RC3H2: variants seen among roughly 807,000 people sequenced by gnomAD.
The protein encoded by RC3H2 is ring finger and CCCH-type domains 2.
A neutral mutation model predicts 133.3 loss-of-function variants in RC3H2; 31 were observed. The observed-to-expected ratio is 0.23, with a 90% CI of 0.17 to 0.31. The LOEUF (loss-of-function observed/expected upper bound fraction) is 0.31. RC3H2 is among the 10% of genes least tolerant of loss of function. RC3H2 has a pLI of 1.00. For synonymous variants in RC3H2, 517 were observed against 502.2 expected, an observed-to-expected ratio of 1.03 and a Z score of -0.40; for missense variants, 1,175 against 1,437.2, an observed-to-expected ratio of 0.82 and a Z score of 2.95.
At chr9:122,859,215 C>T (rs1830364398) in intron 11 of RC3H2, 113 bp from the exon 12 acceptor site, 4 of 778,140 alleles carry the variant, frequency 5.1e-6, no homozygotes, top group Non-Finnish European at 7.6e-6. Flanking sequence ...AGCTTTGAAC[C>T]TTACCTTACC....
At chr9:122,858,123 T>C (rs1167226228) in intron 12 of RC3H2, 30 bp from the exon 13 acceptor site, 3 of 1,599,736 alleles carry the variant, frequency 1.9e-6, no homozygotes, top group African/African-American at 2.7e-5. Flanking sequence ...ACAATCTTAA[T>C]CATCTAGGGA....
intron 8 of RC3H2, among the ~76,000 whole-genome samples, chr9:122,878,859 C>G (rs1467634743): frequency 6.6e-6 from 1 of 151,486 alleles, no homozygotes; most frequent in Admixed American, 6.6e-5. Context: ...AGCGATTCTC[C>G]TGACTCAGCC....
chr9:122,852,145 C>T (rs1294688817), intron 18 of RC3H2, among the ~76,000 whole-genome samples: 5 of 147,094 alleles, frequency 3.4e-5, no homozygotes, highest in African/African-American at 5.1e-5. Context: ...GCCTCTGCCC[C>T]GCCGCCCTGT....
rs1328813126 is a variant in RC3H2 at position 122,890,386 on chromosome 9, T to C, written c.509A>G (p.His170Arg). 6.2e-7 allele frequency: 1 copy of C among 1,614,110 alleles called. No homozygotes were observed. Among genetic ancestry groups the C allele is most frequent in the East Asian group, 2.2e-5 (1 of 44,866 alleles). The change falls in exon 4 of 21, where the codon CAC (histidine) becomes CGC (arginine). Residue 170 changes from histidine to arginine, a missense_variant. His to Arg is a conservative substitution (Grantham distance 29). Coordinates refer to ENST00000357244, the MANE Select transcript of RC3H2 (RefSeq NM_001100588.3). The part of the protein sequence containing the change: ...ERTVTELILQ[H>R]QNPQQLSANL... Reference sequence around the variant, plus strand: ...GGCAGACAACTGCTGAGGGTTCTGGTGCTGTAATATCAGTTCTGTTACAGT... The same window carrying C: ...GGCAGACAACTGCTGAGGGTTCTGGCGCTGTAATATCAGTTCTGTTACAGT...
Position 122,859,947 on chromosome 9 carries a change from G to A in RC3H2, c.1819C>T (p.Pro607Ser), listed in dbSNP as rs866363828. The A allele has an allele frequency of 1.9e-6, 3 of 1,613,808 alleles. No homozygotes were observed. Among genetic ancestry groups the A allele is most frequent in the Non-Finnish European group, 2.5e-6 (3 of 1,179,698 alleles). Residue 607 changes from proline to serine, a missense_variant, in exon 11 of 21, where the codon CCC becomes TCC. Physicochemically the swap from Pro to Ser is moderately conservative, Grantham distance 74. Coordinates refer to ENST00000357244, the MANE Select transcript of RC3H2 (RefSeq NM_001100588.3). ...QYFQDPRTQI[P>S]FEVPQYPQTG... ...TGTGGGTACTGTGGGACTTCAAAGG[G>A]TATCTGAGTCCTTGGATCTTGAAAA... is the stretch of plus-strand genomic sequence containing the variant.
chr9:122,886,634 G>A (rs1281460482), intron 4 of RC3H2, among the ~76,000 whole-genome samples: 1 of 152,172 alleles, frequency 6.6e-6, no homozygotes, highest in Non-Finnish European at 1.5e-5. Flanking sequence ...AAGTTACAGT[G>A]GGCTATAAGC....
chr9:122,890,066 T>C lies in RC3H2; in HGVS notation c.583+246A>G, dbSNP rs968293837. 8.4e-6 allele frequency: 5 copies of C among 593,494 alleles called. No homozygotes were observed. The African/African-American group carries it at 9.3e-5, about 11-fold the overall frequency. 36.8% of individuals were successfully genotyped at this position (593,494 alleles called of 1,614,324 possible). ...CTGAGTCAGGAGAATTGCTTGAGCA[T>C]GGATGTCGAGGCTGCAGTGAGCCAA... is the stretch of plus-strand genomic sequence containing the variant. On this transcript the variant is annotated intron_variant, in intron 4 of 20. Coordinates refer to ENST00000357244, the MANE Select transcript of RC3H2 (RefSeq NM_001100588.3).
rs1283396227 is a variant in RC3H2 at position 122,845,355 on chromosome 9, T to C, written c.*4272A>G. 5 of 152,184 alleles carry C rather than the reference T, an allele frequency of 3.3e-5. No individual in the cohort carries two copies. Among genetic ancestry groups the C allele is most frequent in the African/African-American group, 1.2e-4 (5 of 41,450 alleles). The allele number at this position is 152,184 out of a possible 1,614,324, so 9.4% of individuals were successfully genotyped here. On this transcript the variant is annotated 3_prime_UTR_variant, in exon 21 of 21. Coordinates refer to ENST00000357244, the MANE Select transcript of RC3H2 (RefSeq NM_001100588.3). ...ACAAATAAAAGCCACATGTGTTGTATCACAACTACAGTATAATTGTTTGCC... is the reference window on the plus strand; with the variant it reads ...ACAAATAAAAGCCACATGTGTTGTACCACAACTACAGTATAATTGTTTGCC...
chr9:122,852,514 C>A (rs1211002739), intron 18 of RC3H2, among the ~76,000 whole-genome samples: 27 of 148,482 alleles, frequency 1.8e-4, no homozygotes, highest in Non-Finnish European at 1.6e-4. Context: ...TAGCCAGCCG[C>A]CCCGTCCGGG....
Position 122,858,010 on chromosome 9 carries a change from T to C in RC3H2, c.2367A>G (p.Lys789=), listed in dbSNP as rs1466866919. 3.7e-6 allele frequency: 6 copies of C among 1,614,092 alleles called. No individual in the cohort carries two copies. The highest frequency in any genetic ancestry group is 3.3e-5 in the South Asian group (3 of 91,092). ...GAAGAGTTGAAGAGACAAGAGGTGC[T>C]TTCTGAGTGTGGTACTGTGCCCACT... ...PDQWAQYHTQ[K]APLVSSTLPV... is the part of the protein sequence containing the mutation. Residue 789 remains lysine (K), a synonymous_variant, in exon 13 of 21, where the codon AAA becomes AAG. Transcript: ENST00000357244.
intron 14 of RC3H2, 116 bp from the exon 15 acceptor site, chr9:122,855,513 G>C: frequency 2.0e-6 from 2 of 1,022,650 alleles, no homozygotes; most frequent in Non-Finnish European, 1.4e-6. Flanking sequence ...ACTAGCTCTA[G>C]ACTCAACGAT....
In RC3H2 at chr9:122,860,144, T is replaced by G; in HGVS notation, c.1635-13A>C. On this transcript the variant is annotated splice_polypyrimidine_tract_variant and intron_variant, in intron 10 of 20. Coordinates refer to ENST00000357244, the MANE Select transcript of RC3H2 (RefSeq NM_001100588.3). ...AGAACCAATTTTACTGGAGAGAAAA[T>G]TTAACAAAGGGCAAAGGAGAAATCA... 6.3e-7 allele frequency: 1 copy of G among 1,596,952 alleles called. No homozygotes were observed. The highest frequency in any genetic ancestry group is 8.6e-7 in the Non-Finnish European group (1 of 1,164,462).
chr9:122,869,564 T>A (rs1235260592), intron 9 of RC3H2, among the ~76,000 whole-genome samples: 1 of 125,094 alleles, frequency 8.0e-6, no homozygotes, highest in Admixed American at 1.1e-4. Context: ...TACACGATTT[T>A]TTTTTTTTTT....
chr9:122,862,648 C>G (rs559205443), intron 10 of RC3H2, among the ~76,000 whole-genome samples: 2 of 152,064 alleles, frequency 1.3e-5, no homozygotes, highest in Non-Finnish European at 2.9e-5. Flanking sequence ...TAATCCCAGC[C>G]TTTTGGGAGG....
At chr9:122,875,103 T>C (rs372815423) in intron 9 of RC3H2, 6 of 1,383,794 alleles carry the variant, frequency 4.3e-6, no homozygotes, top group East Asian at 2.6e-5. Flanking sequence ...CCAAATTATC[T>C]TGATGTGAAA....
chr9:122,849,294 T>C lies in RC3H2; in HGVS notation c.*333A>G, dbSNP rs1287266384. The C allele has an allele frequency of 6.6e-6, 1 of 152,212 alleles. No homozygotes were observed. The highest frequency in any genetic ancestry group is 1.5e-5 in the Non-Finnish European group (1 of 68,120). 9.4% of individuals were successfully genotyped at this position (152,212 alleles called of 1,614,324 possible). On this transcript the variant is annotated 3_prime_UTR_variant, in exon 21 of 21. Transcript: ENST00000357244. ...TAATAACTGAGTTGTTAATTTTCTA[T>C]AGAAGCCATTTAAAATAGGAAATGG...
At chr9:122,868,086 G>A (rs1830815622) in intron 9 of RC3H2, among the ~76,000 whole-genome samples, 1 of 135,394 alleles carries the variant, frequency 7.4e-6, no homozygotes, top group African/African-American at 2.8e-5. Flanking sequence ...TCAGCACCCC[G>A]CCCGGCCAGC....
chr9:122,861,072 A>G (rs1487472637), intron 10 of RC3H2, among the ~76,000 whole-genome samples: 1 of 152,214 alleles, frequency 6.6e-6, no homozygotes, highest in East Asian at 1.9e-4. Context: ...ATGGTAACTC[A>G]TTAAATTGAG....
chr9:122,904,927 G>A (rs1310739182), intron 1 of RC3H2, among the ~76,000 whole-genome samples, 183 bp downstream of exon 1: 4 of 152,212 alleles, frequency 2.6e-5, no homozygotes, highest in Admixed American at 1.3e-4. Context: ...CTACCAGAGA[G>A]AGGGGCCTCC....
Sources: gnomAD v4.1 joint callset for allele counts (sites outside exome capture counted in the v4.1 genomes callset) on GRCh38, gnomAD v4.1.1 for gene constraint, MANE v1.5 for transcripts, NCBI Gene and HGNC (gene_info 2026-07-23, HGNC 2026-07-21) for gene names.